Variants in ATP8A1 observed in about 807,000 individuals in gnomAD.
The protein encoded by ATP8A1 is phospholipid-transporting ATPase IA.
In ATP8A1, 90 loss-of-function variants were observed where a neutral mutation model predicts 177.7. That is an observed-to-expected ratio of 0.51 (90% confidence interval 0.43 to 0.60). The LOEUF (loss-of-function observed/expected upper bound fraction) is 0.60, where lower values mean the gene tolerates loss of function less well. ATP8A1 is among the 20% of genes least tolerant of loss of function. The pLI is 0.00. For missense variants in ATP8A1, 1,072 were observed against 1,392.8 expected (o/e 0.77, Z 3.67); for synonymous variants, 493 against 485.9 (o/e 1.01, Z -0.19).
At chr4:42,415,883 C>T (rs11722556) in intron 35 of ATP8A1, among the ~76,000 whole-genome samples, 37,087 of 151,754 alleles carry the variant, frequency 0.24, 4,622 homozygotes, top group African/African-American at 0.27. Context: ...AGGCAAAAAC[C>T]GAAGAAAAAA....
Position 42,422,669 on chromosome 4 carries a change from G to A in ATP8A1, c.3305+138C>T, listed in dbSNP as rs1386501299. On this transcript the variant is annotated intron_variant, in intron 35 of 36. Coordinates refer to ENST00000381668, the MANE Select transcript of ATP8A1 (RefSeq NM_006095.2). ...GAAAGCGACAGATTTAAATCCACAT[G>A]TCTCTGACTCCCAAACCTGCCAATG... is the stretch of plus-strand genomic sequence containing the variant. The A allele has an allele frequency of 6.1e-6, 4 of 655,696 alleles. No homozygotes were observed. The East Asian group carries it at 8.0e-5, about 13-fold the overall frequency. 40.6% of individuals were successfully genotyped at this position (655,696 alleles called of 1,614,324 possible). A position where few individuals can be genotyped will look rare whatever the true frequency, so the allele number is the denominator to read the frequency against.
At chr4:42,548,416 A>G (rs1729148298) in intron 19 of ATP8A1, among the ~76,000 whole-genome samples, 1 of 152,210 alleles carries the variant, frequency 6.6e-6, no homozygotes, top group Non-Finnish European at 1.5e-5. Context: ...CTAAATTTTA[A>G]AATTGATACA....
chr4:42,623,876 C>CTA lies in ATP8A1; in HGVS notation c.363+658_363+659dup, dbSNP rs1235681749. ...CTTAAAAGTCTCTCCTTCTCTCTCT[C>CTA]TATATATATATGAAGTAGTTTAAAA... On this transcript the variant is annotated intron_variant, in intron 4 of 36. Coordinates refer to ENST00000381668, the MANE Select transcript of ATP8A1 (RefSeq NM_006095.2). Among the ~76,000 whole-genome samples, 46 of 151,708 alleles carry CTA rather than the reference C, an allele frequency of 3.0e-4. No homozygotes were observed. The South Asian group carries it at 4.6e-3, about 15-fold the overall frequency.
At chr4:42,635,150 A>C (rs1739144084) in intron 1 of ATP8A1, among the ~76,000 whole-genome samples, 1 of 152,122 alleles carries the variant, frequency 6.6e-6, no homozygotes, top group Admixed American at 6.6e-5. Context: ...TTGGTCAATT[A>C]ATATTGAGTA....
intron 24 of ATP8A1, among the ~76,000 whole-genome samples, chr4:42,496,789 T>C (rs1412270619): frequency 9.4e-6 from 1 of 105,910 alleles, no homozygotes; most frequent in East Asian, 2.2e-4. Flanking sequence ...CACATACACA[T>C]ATATGCACAT....
At chr4:42,517,291 C>CAAA (rs34576268) in intron 22 of ATP8A1, among the ~76,000 whole-genome samples, 2 of 102,420 alleles carry the variant, frequency 2.0e-5, no homozygotes, top group Non-Finnish European at 4.2e-5. Context: ...GACTCCGTCT[C>CAAA]AAAAAAAAAA....
chr4:42,646,955 C>T (rs1452639836), intron 1 of ATP8A1, among the ~76,000 whole-genome samples: 1 of 152,176 alleles, frequency 6.6e-6, no homozygotes, highest in African/African-American at 2.4e-5. Flanking sequence ...GTTTTATCTA[C>T]TTCACATCTC....
chr4:42,632,728 C>CA (rs1738875835), intron 1 of ATP8A1, among the ~76,000 whole-genome samples: 1 of 152,210 alleles, frequency 6.6e-6, no homozygotes, highest in South Asian at 2.1e-4. Context: ...CTGAAGTGAG[C>CA]AAGTGCTCAT....
At position 42,590,727 on chromosome 4, in the gene ATP8A1, C is replaced by T. The variant is rs28756164; in HGVS notation, c.524+84G>A. ...GTGTTTTAAAGGAAGAGACACAGAACTCAACCATATTTGGGTGCAACTGTT... is the reference window on the plus strand; with the variant it reads ...GTGTTTTAAAGGAAGAGACACAGAATTCAACCATATTTGGGTGCAACTGTT... On this transcript the variant is annotated intron_variant, in intron 7 of 36. Coordinates refer to ENST00000381668, the MANE Select transcript of ATP8A1 (RefSeq NM_006095.2). 6.2e-4 allele frequency: 782 copies of T among 1,256,958 alleles called. 2 individuals carry two copies. In the African/African-American group the frequency reaches 0.011, roughly 17 times the overall value. 77.9% of individuals were successfully genotyped at this position (1,256,958 alleles called of 1,614,324 possible). A position where few individuals can be genotyped will look rare whatever the true frequency, so the allele number is the denominator to read the frequency against.
At chr4:42,532,566 G>A (rs922645266) in intron 20 of ATP8A1, among the ~76,000 whole-genome samples, 2 of 152,066 alleles carry the variant, frequency 1.3e-5, no homozygotes, top group African/African-American at 4.8e-5. Flanking sequence ...TAACTAAAAT[G>A]ACCATATTGC....
intron 25 of ATP8A1, among the ~76,000 whole-genome samples, chr4:42,480,519 A>T (rs934289638): frequency 7.2e-5 from 11 of 152,170 alleles, no homozygotes; most frequent in Non-Finnish European, 1.5e-5. Context: ...TTTTTCCTTA[A>T]AGGAATGTCT....
intron 20 of ATP8A1, among the ~76,000 whole-genome samples, chr4:42,540,493 C>T (rs771401340): frequency 6.6e-6 from 1 of 151,418 alleles, no homozygotes; most frequent in African/African-American, 2.4e-5. Flanking sequence ...TTTATTGCAG[C>T]ACTATTCACA....
intron 33 of ATP8A1, among the ~76,000 whole-genome samples, chr4:42,440,213 C>A (rs943585274): frequency 1.3e-5 from 2 of 152,220 alleles, no homozygotes; most frequent in East Asian, 1.9e-4. Flanking sequence ...CCGGGCCCCA[C>A]ACACCATGAT....
At chr4:42,534,707 C>T (rs1274009437) in intron 20 of ATP8A1, among the ~76,000 whole-genome samples, 15 of 152,050 alleles carry the variant, frequency 9.9e-5, no homozygotes, top group African/African-American at 3.1e-4. Flanking sequence ...GGCACATAGT[C>T]GGCAGGTTAT....
chr4:42,582,053 G>T (rs1277521722), intron 9 of ATP8A1, among the ~76,000 whole-genome samples: 1 of 152,256 alleles, frequency 6.6e-6, no homozygotes, highest in East Asian at 1.9e-4. Flanking sequence ...GGGAGCTAAT[G>T]TGATTTAGAA....
intron 1 of ATP8A1, among the ~76,000 whole-genome samples, chr4:42,652,018 T>C (rs76443518): frequency 0.019 from 2,919 of 152,382 alleles, 33 homozygotes; most frequent in Middle Eastern, 0.054. Context: ...TCTTGCCTTA[T>C]GGCAAATTTT....
At chr4:42,437,902 G>A (rs1716172421) in intron 33 of ATP8A1, among the ~76,000 whole-genome samples, 1 of 152,152 alleles carries the variant, frequency 6.6e-6, no homozygotes, top group South Asian at 2.1e-4. Context: ...GGAAGCAAAA[G>A]GGGAAAAGCT....
intron 21 of ATP8A1, among the ~76,000 whole-genome samples, 196 bp from the exon 22 acceptor site, chr4:42,522,495 C>A (rs567104278): frequency 1.4e-3 from 216 of 152,286 alleles, no homozygotes; most frequent in African/African-American, 5.0e-3. Context: ...AAAATTGGTA[C>A]CCTGCTTCTA....
intron 4 of ATP8A1, among the ~76,000 whole-genome samples, chr4:42,617,566 A>G (rs943487155): frequency 1.3e-5 from 2 of 152,248 alleles, no homozygotes; most frequent in Non-Finnish European, 2.9e-5. Flanking sequence ...GAAAATTAGA[A>G]AGTGATCCAA....
Sources: allele counts gnomAD v4.1 joint callset (sites outside exome capture counted in the v4.1 genomes callset), GRCh38; gene constraint gnomAD v4.1.1; transcripts MANE v1.5; gene names NCBI Gene and HGNC (gene_info 2026-07-23, HGNC 2026-07-21).